Variants in UGT1A3 observed in about 807,000 individuals in gnomAD.
The protein encoded by UGT1A3 is UDP glucuronosyltransferase family 1 member A3, also known as UDP-glucuronosyltransferase 1A3.
A neutral mutation model predicts 41.0 loss-of-function variants in UGT1A3; 31 were observed. The observed-to-expected ratio is 0.76, with a 90% CI of 0.57 to 1.02. The LOEUF is 1.02. Ranked by LOEUF, UGT1A3 falls within the 50% of genes least tolerant of loss-of-function variation. The probability of loss-of-function intolerance (pLI) is 0.00; values close to 1 mark genes in which losing one functional copy is unlikely to be tolerated. For synonymous variants in UGT1A3, 262 were observed against 257.6 expected, an observed-to-expected ratio of 1.02 and a Z score of -0.17; for missense variants, 737 against 671.0, an observed-to-expected ratio of 1.10 and a Z score of -1.09.
rs769416194 is a variant in UGT1A3 at position 233,748,156 on chromosome 2, T to A, written c.867+18163T>A. On this transcript the variant is annotated intron_variant, in intron 1 of 4. Coordinates refer to ENST00000482026, the MANE Select transcript of UGT1A3 (RefSeq NM_019093.4). ...AAAATTGTATTTACTTACAATTGCT[T>A]CCATATCTACTTATCTTTCTGGTGC... is the stretch of plus-strand genomic sequence containing the variant. The A allele has an allele frequency of 2.7e-4, 434 of 1,601,764 alleles. 1 individual carries two copies. Among genetic ancestry groups the A allele is most frequent in the Non-Finnish European group, 3.4e-4 (402 of 1,173,972 alleles).
At chr2:233,730,291 G>A (rs962328046) in intron 1 of UGT1A3, among the ~76,000 whole-genome samples, 1 of 152,200 alleles carries the variant, frequency 6.6e-6, no homozygotes, top group Non-Finnish European at 1.5e-5. Flanking sequence ...CTTCATGGTT[G>A]TGCATGTCCT....
In UGT1A3 at chr2:233,734,393, C is replaced by T. The variant is rs557317498; in HGVS notation, c.867+4400C>T. On this transcript the variant is annotated intron_variant, in intron 1 of 4. Transcript: ENST00000482026. ...ATATTGCCTTTACTATTTTTTATTG[C>T]GTCTATTTGATTCTTCTCTCTTTTC... Among the ~76,000 whole-genome samples, 8 of 152,072 alleles carry T rather than the reference C, an allele frequency of 5.3e-5. No homozygotes were observed. In the East Asian group the frequency reaches 7.7e-4, roughly 15 times the overall value.
chr2:233,761,981 G>A (rs1697924435), intron 1 of UGT1A3, among the ~76,000 whole-genome samples: 1 of 152,178 alleles, frequency 6.6e-6, no homozygotes, highest in African/African-American at 2.4e-5. Context: ...CACCTTCGGA[G>A]GTGACCTTAT....
chr2:233,747,448 C>A (rs577048097), intron 1 of UGT1A3: 2 of 1,609,000 alleles, frequency 1.2e-6, no homozygotes, highest in East Asian at 4.5e-5. Flanking sequence ...ACCCTGACAA[C>A]CTATGCCATT....
chr2:233,772,281 C>A lies in UGT1A3; in HGVS notation c.1327C>A (p.Arg443Ser). Residue 443 changes from arginine to serine, a missense_variant, in exon 5 of 5, where the codon CGC becomes AGC. By Grantham distance (110) the Arg-to-Ser change is moderately radical. Transcript: ENST00000482026. ...NDKSYKENIMRLSSLHKDRPV... is the reference protein window; with the variant it reads ...NDKSYKENIMSLSSLHKDRPV... ...GTTTAGTTACAAGGAGAACATCATGCGCCTCTCCAGCCTTCACAAGGACCG... is the reference window on the plus strand; with the variant it reads ...GTTTAGTTACAAGGAGAACATCATGAGCCTCTCCAGCCTTCACAAGGACCG... 6.2e-7 allele frequency: 1 copy of A among 1,614,202 alleles called. No individual in the cohort carries two copies. The highest frequency in any genetic ancestry group is 1.7e-5 in the Admixed American group (1 of 60,028).
chr2:233,745,019 T>C (rs1692990004), intron 1 of UGT1A3, among the ~76,000 whole-genome samples: 1 of 151,908 alleles, frequency 6.6e-6, no homozygotes, highest in Non-Finnish European at 1.5e-5. Context: ...ATGTAAATGC[T>C]ATGTAAATAG....
intron 4 of UGT1A3, 57 bp from the exon 5 acceptor site, chr2:233,772,205 A>T: frequency 6.2e-7 from 1 of 1,608,796 alleles, no homozygotes; most frequent in Non-Finnish European, 8.5e-7. Flanking sequence ...GAGCATAAAG[A>T]GAGGATTGTT....
At chr2:233,761,033 G>T (rs774774935) in intron 1 of UGT1A3, 1 of 1,614,186 alleles carries the variant, frequency 6.2e-7, no homozygotes, top group South Asian at 1.1e-5. Context: ...GACCTATTGA[G>T]CTCTGCATCT....
At position 233,772,972 on chromosome 2, in the gene UGT1A3, C is replaced by A; in HGVS notation, c.*413C>A. The A allele has an allele frequency of 3.3e-6, 1 of 304,366 alleles. No homozygotes were observed. The highest frequency in any genetic ancestry group is 6.3e-6 in the Non-Finnish European group (1 of 158,956). 18.9% of individuals were successfully genotyped at this position (304,366 alleles called of 1,614,324 possible). On this transcript the variant is annotated 3_prime_UTR_variant, in exon 5 of 5. Transcript: ENST00000482026. ...CAGATGGTTGCAATTGATCCTTAAC[C>A]AATAATGGTCAGTCCTCATCTCTGT...
At chr2:233,739,958 T>A (rs1559383787) in intron 1 of UGT1A3, among the ~76,000 whole-genome samples, 1 of 151,938 alleles carries the variant, frequency 6.6e-6, no homozygotes, top group Non-Finnish European at 1.5e-5. Flanking sequence ...TGGGAGCTGA[T>A]TGAATCATAT....
At chr2:233,743,773 C>CT in intron 1 of UGT1A3, 1 of 1,367,366 alleles carries the variant, frequency 7.3e-7, no homozygotes, top group Non-Finnish European at 9.8e-7. Flanking sequence ...CCTCGGCCAC[C>CT]TGCTTGAATC....
intron 1 of UGT1A3, among the ~76,000 whole-genome samples, chr2:233,763,291 T>C (rs1222576175): frequency 6.6e-6 from 1 of 152,232 alleles, no homozygotes; most frequent in Non-Finnish European, 1.5e-5. Context: ...AAATTCCACT[T>C]TTTGGATATT....
At chr2:233,756,312 ATCC>A (rs1696175479) in intron 1 of UGT1A3, 1 of 152,140 alleles carries the variant, frequency 6.6e-6, no homozygotes, top group Admixed American at 6.5e-5. Flanking sequence ...ACCTACCCAT[ATCC>A]TCCTTTAAAC....
intron 1 of UGT1A3, among the ~76,000 whole-genome samples, chr2:233,735,310 TA>T (rs978223857): frequency 8.5e-5 from 13 of 152,318 alleles, no homozygotes; most frequent in African/African-American, 2.2e-4. Flanking sequence ...AAGTCTGTTT[TA>T]TCAGAGACTA....
chr2:233,747,935 G>A lies in UGT1A3; in HGVS notation c.867+17942G>A, dbSNP rs926713638. On this transcript the variant is annotated intron_variant, in intron 1 of 4. Transcript: ENST00000482026. The stretch of plus-strand genomic sequence containing the variant: ...GCCTTGCCTCTGAGCTTTTTCAGAG[G>A]GAGGTGTCAGTGGTGGATCTTCTCA... 5.5e-5 allele frequency: 89 copies of A among 1,613,314 alleles called. No individual in the cohort carries two copies. In the Admixed American group the frequency reaches 6.2e-4, roughly 11 times the overall value.
At position 233,763,627 on chromosome 2, in the gene UGT1A3, G is replaced by A. The variant is rs1698360678; in HGVS notation, c.868-3407G>A. Among the ~76,000 whole-genome samples, 2 of 152,126 alleles carry A rather than the reference G, an allele frequency of 1.3e-5. 1 individual carries two copies. Among genetic ancestry groups the A allele is most frequent in the Admixed American group, 1.3e-4 (2 of 15,272 alleles). ...CACTCTGCACTACCATTCCTCTTGT[G>A]TTGATGGTCCTATTCTCAATACTCT... On this transcript the variant is annotated intron_variant, in intron 1 of 4. Transcript: ENST00000482026.
At chr2:233,740,222 C>T (rs1446035659) in intron 1 of UGT1A3, among the ~76,000 whole-genome samples, 1 of 151,764 alleles carries the variant, frequency 6.6e-6, no homozygotes, top group Non-Finnish European at 1.5e-5. Context: ...TCAGCTGCGT[C>T]TTTATAGCAG....
intron 1 of UGT1A3, among the ~76,000 whole-genome samples, chr2:233,740,474 C>T (rs1003783592): frequency 2.0e-5 from 3 of 151,920 alleles, no homozygotes; most frequent in African/African-American, 7.3e-5. Context: ...CAGAAAGGAT[C>T]ATTCCCTCTT....
rs376278520 is a variant in UGT1A3, at chr2:233,729,272, G to A, written c.146G>A (p.Arg49Gln). The A allele has an allele frequency of 1.9e-5, 30 of 1,614,080 alleles. No homozygotes were observed. The highest frequency in any genetic ancestry group is 9.3e-5 in the African/African-American group (7 of 74,926). ...SHWLSMREVL[R>Q]ELHARGHQAV... ...TGGCTCAGCATGCGGGAGGTCTTGC[G>A]GGAGCTCCATGCCAGAGGCCACCAG... Residue 49 changes from arginine to glutamine, a missense_variant, in exon 1 of 5, where the codon CGG becomes CAG. Coordinates refer to ENST00000482026, the MANE Select transcript of UGT1A3 (RefSeq NM_019093.4).
Sources: allele counts gnomAD v4.1 joint callset (sites outside exome capture counted in the v4.1 genomes callset), GRCh38; gene constraint gnomAD v4.1.1; transcripts MANE v1.5; gene names NCBI Gene and HGNC (gene_info 2026-07-23, HGNC 2026-07-21).